PRR16: variants seen among roughly 807,000 people sequenced by gnomAD.
PRR16 encodes proline rich 16.
Under a neutral mutation model 18.2 loss-of-function variants are expected in PRR16, and 6 were observed. The observed-to-expected ratio is 0.33, with a 90% confidence interval of 0.18 to 0.65. The LOEUF (loss-of-function observed/expected upper bound fraction) is 0.65, where lower values mean the gene tolerates loss of function less well. Ranked by LOEUF, PRR16 falls within the 30% of genes least tolerant of loss-of-function variation. The pLI, the probability that PRR16 is intolerant of heterozygous loss-of-function variation, is 0.74. For synonymous variants in PRR16, 151 were observed against 147.8 expected (o/e 1.02, Z -0.16); for missense variants, 412 against 376.6 (o/e 1.09, Z -0.78).
chr5:120,692,123 T>A (rs148944815), downstream of PRR16, among the ~76,000 whole-genome samples: 1 of 152,346 alleles, frequency 6.6e-6, no homozygotes, highest in African/African-American at 2.4e-5. Flanking sequence ...ACATCGATCC[T>A]GCATTGTGTA....
At chr5:120,494,313 GTACAC>G (rs1470973994) in intron 1 of PRR16, among the ~76,000 whole-genome samples, 1 of 151,968 alleles carries the variant, frequency 6.6e-6, no homozygotes, top group Non-Finnish European at 1.5e-5. Context: ...CTTATATGCT[GTACAC>G]ATAGCGTCTC....
chr5:120,495,964 TC>T (rs1307090582), intron 1 of PRR16, among the ~76,000 whole-genome samples: 6 of 152,000 alleles, frequency 3.9e-5, no homozygotes, highest in Non-Finnish European at 5.9e-5. Flanking sequence ...TTGTAGATGC[TC>T]TGTGTCAACT....
chr5:120,642,238 CT>C (rs1755444912), intron 1 of PRR16, among the ~76,000 whole-genome samples: 1 of 149,092 alleles, frequency 6.7e-6, no homozygotes, highest in Non-Finnish European at 1.5e-5. Context: ...TGTAATTTCC[CT>C]GTTAAAATTC....
At chr5:120,745,621 T>A in the PRR16 span, among the ~76,000 whole-genome samples, 3 of 152,046 alleles carry the variant, frequency 2.0e-5, no homozygotes, top group Admixed American at 6.5e-5. Flanking sequence ...CTCCAGTGTA[T>A]TAGTGGAGGG....
chr5:120,736,537 C>CTTTTTTTTT, the PRR16 span, among the ~76,000 whole-genome samples: 9 of 54,016 alleles, frequency 1.7e-4, no homozygotes, highest in Non-Finnish European at 2.7e-4. Flanking sequence ...AGTGTAAAGG[C>CTTTTTTTTT]TTTTTTTTTT....
At chr5:120,623,050 G>T (rs62376456) in intron 1 of PRR16, among the ~76,000 whole-genome samples, 41,430 of 151,954 alleles carry the variant, frequency 0.27, 5,895 homozygotes, top group Middle Eastern at 0.4. Context: ...ATAAAGTAAT[G>T]TATTGACTTC....
At chr5:120,520,137 A>G (rs954985305) in intron 1 of PRR16, among the ~76,000 whole-genome samples, 1 of 152,162 alleles carries the variant, frequency 6.6e-6, no homozygotes, top group African/African-American at 2.4e-5. Flanking sequence ...AATTTTGCAC[A>G]CAAATCCCAG....
the PRR16 span, among the ~76,000 whole-genome samples, chr5:120,759,558 T>A: frequency 6.6e-6 from 1 of 152,072 alleles, no homozygotes; most frequent in Admixed American, 6.6e-5. Flanking sequence ...AGCACAAGAT[T>A]TTGTCTTTAG....
intron 1 of PRR16, among the ~76,000 whole-genome samples, chr5:120,661,447 A>G (rs551252483): frequency 6.6e-6 from 1 of 152,190 alleles, no homozygotes; most frequent in Admixed American, 6.6e-5. Flanking sequence ...ACGTTGTATA[A>G]TTTAAATGGC....
chr5:120,687,664 G>A (rs1431082475), downstream of PRR16, among the ~76,000 whole-genome samples: 2 of 152,166 alleles, frequency 1.3e-5, no homozygotes, highest in Non-Finnish European at 2.9e-5. Context: ...ACATTTATAG[G>A]AGAATTATAG....
chr5:120,486,944 A>G (rs1342331332), intron 1 of PRR16, among the ~76,000 whole-genome samples: 1 of 152,164 alleles, frequency 6.6e-6, no homozygotes, highest in Non-Finnish European at 1.5e-5. Context: ...TTTGTCAAAG[A>G]TCAGATAGTT....
chr5:120,685,263 A>ATG lies in PRR16; in HGVS notation c.160-691_160-690insTG, dbSNP rs1580880940. Among the ~76,000 whole-genome samples, 25 of 152,286 alleles carry ATG rather than the reference A, an allele frequency of 1.6e-4. No homozygotes were observed. The East Asian group carries it at 4.6e-3, about 28-fold the overall frequency. ...TCCTCTCAGCATGAGAGGTCTGTGT[A>ATG]AAGGAGGCCATGAGTGAGTACAGAT... On this transcript the variant is annotated intron_variant, in intron 1 of 1. Coordinates refer to ENST00000407149, the MANE Select transcript of PRR16 (RefSeq NM_001300783.2).
the PRR16 span, among the ~76,000 whole-genome samples, chr5:120,718,531 C>T: frequency 0.057 from 8,618 of 152,064 alleles, 318 homozygotes; most frequent in South Asian, 0.083. Context: ...TTTTTTAAGG[C>T]TTATTAAATA....
chr5:120,777,596 T>C, the PRR16 span, among the ~76,000 whole-genome samples: 21 of 152,070 alleles, frequency 1.4e-4, no homozygotes, highest in African/African-American at 4.6e-4. Flanking sequence ...AAATCTACAC[T>C]TGTCAGATGA....
the PRR16 span, among the ~76,000 whole-genome samples, chr5:120,702,575 T>C: frequency 0.011 from 1,672 of 152,230 alleles, 28 homozygotes; most frequent in African/African-American, 0.039. Context: ...CTTTGAAACA[T>C]GGGTGAATAA....
intron 1 of PRR16, among the ~76,000 whole-genome samples, chr5:120,574,534 G>A (rs1753012786): frequency 6.7e-6 from 1 of 149,668 alleles, no homozygotes; most frequent in African/African-American, 2.6e-5. Flanking sequence ...AACCCGAGAG[G>A]CAGAGGTTGC....
At chr5:120,581,516 C>T (rs188022898) in intron 1 of PRR16, among the ~76,000 whole-genome samples, 95 of 150,780 alleles carry the variant, frequency 6.3e-4, no homozygotes, top group Admixed American at 1.2e-3. Flanking sequence ...GAATCTATCT[C>T]CTTCAATTCT....
intron 1 of PRR16, among the ~76,000 whole-genome samples, chr5:120,482,748 G>A (rs913890336): frequency 6.6e-6 from 1 of 152,114 alleles, no homozygotes; most frequent in East Asian, 1.9e-4. Context: ...CTCCATCAGA[G>A]TAAGAACCTT....
chr5:120,657,173 T>C (rs1037792219), intron 1 of PRR16, among the ~76,000 whole-genome samples: 2 of 151,982 alleles, frequency 1.3e-5, no homozygotes, highest in African/African-American at 4.8e-5. Flanking sequence ...AAAGGTAAAT[T>C]AGAAATGATC....
Sources: gnomAD v4.1 joint callset for allele counts (sites outside exome capture counted in the v4.1 genomes callset) on GRCh38, gnomAD v4.1.1 for gene constraint, MANE v1.5 for transcripts, NCBI Gene and HGNC (gene_info 2026-07-23, HGNC 2026-07-21) for gene names.